The following CTNNA3 variants were observed in gnomAD, a reference collection of about 807,000 sequenced individuals.
The protein encoded by CTNNA3 is catenin alpha-3.
CTNNA3 carries 76 observed loss-of-function variants against 95.7 expected under a neutral mutation model. That is an observed-to-expected ratio of 0.79 (90% CI 0.66 to 0.96). The LOEUF (loss-of-function observed/expected upper bound fraction) is 0.96. Among genes scored for constraint, CTNNA3 ranks in the 40% least tolerant of loss-of-function variants. CTNNA3 has a pLI of 0.00. For synonymous variants in CTNNA3, 431 were observed against 374.4 expected (o/e 1.15, Z -1.74); for missense variants, 1,191 against 1,089.8 (o/e 1.09, Z -1.31).
chr10:67,294,006 G>T (rs920043607), intron 5 of CTNNA3, among the ~76,000 whole-genome samples: 1 of 152,042 alleles, frequency 6.6e-6, no homozygotes, highest in African/African-American at 2.4e-5. Flanking sequence ...AAGTGCTCTA[G>T]GTTCAATTGG....
At chr10:65,922,144 AC>A (rs2077097066) in intron 17 of CTNNA3, among the ~76,000 whole-genome samples, 6 of 152,094 alleles carry the variant, frequency 3.9e-5, no homozygotes, top group Admixed American at 3.9e-4. Context: ...CATTACATAA[AC>A]CTGCCTCCAA....
chr10:66,303,492 G>A (rs888763104), intron 12 of CTNNA3, among the ~76,000 whole-genome samples: 23 of 143,104 alleles, frequency 1.6e-4, no homozygotes, highest in East Asian at 9.8e-4. Flanking sequence ...ACATCATTAT[G>A]GGTAAAAAAA....
intron 15 of CTNNA3, among the ~76,000 whole-genome samples, chr10:66,059,777 T>C (rs778095622): frequency 9.9e-5 from 15 of 152,124 alleles, no homozygotes; most frequent in Admixed American, 2.0e-4. Context: ...AATTAGTACA[T>C]ATTTTTCAAG....
intron 6 of CTNNA3, among the ~76,000 whole-genome samples, chr10:67,198,246 G>A (rs1235052834): frequency 1.3e-5 from 2 of 152,120 alleles, no homozygotes; most frequent in Non-Finnish European, 2.9e-5. Context: ...TATCTAGGTG[G>A]TTGATGGTTG....
chr10:66,685,473 C>T (rs1322310219), intron 9 of CTNNA3, among the ~76,000 whole-genome samples: 5 of 141,786 alleles, frequency 3.5e-5, no homozygotes, highest in Admixed American at 2.9e-4. Context: ...CCCGGGTTCT[C>T]GCCATTCTCC....
In CTNNA3 at chr10:65,916,788, A is replaced by C. The variant is rs1489786772; in HGVS notation, c.*3542T>G. The C allele has an allele frequency of 6.6e-6, 1 of 152,102 alleles. No homozygotes were observed. Among genetic ancestry groups the C allele is most frequent in the Non-Finnish European group, 1.5e-5 (1 of 68,024 alleles). 9.4% of individuals were successfully genotyped at this position (152,102 alleles called of 1,614,324 possible). A position where few individuals can be genotyped will look rare whatever the true frequency, so the allele number is the denominator to read the frequency against. Reference sequence around the variant, plus strand: ...TCCTGATTGCACTATTTTGGTAGGAAATTGTTAGCAATTAACAGAGGATAC... The same window carrying C: ...TCCTGATTGCACTATTTTGGTAGGACATTGTTAGCAATTAACAGAGGATAC... On this transcript the variant is annotated 3_prime_UTR_variant, in exon 18 of 18. Transcript: ENST00000433211.
At chr10:67,691,283 GC>G (rs1463217764) in intron 1 of CTNNA3, among the ~76,000 whole-genome samples, 2 of 152,230 alleles carry the variant, frequency 1.3e-5, no homozygotes, top group African/African-American at 4.8e-5. Context: ...CTCCCAAAGT[GC>G]CGAGATTGCA....
intron 11 of CTNNA3, among the ~76,000 whole-genome samples, chr10:66,478,936 C>A (rs983834780): frequency 6.6e-6 from 1 of 151,780 alleles, no homozygotes; most frequent in African/African-American, 2.4e-5. Context: ...CCATTTTCCC[C>A]CTTATAGATA....
intron 13 of CTNNA3, among the ~76,000 whole-genome samples, chr10:66,192,974 G>T (rs1207604336): frequency 1.3e-5 from 2 of 152,082 alleles, no homozygotes; most frequent in African/African-American, 2.4e-5. Flanking sequence ...ATAGGATAAC[G>T]TCTGACATGT....
chr10:67,748,258 C>G (rs1841383892), intron 1 of CTNNA3, among the ~76,000 whole-genome samples: 1 of 152,084 alleles, frequency 6.6e-6, no homozygotes, highest in Admixed American at 6.5e-5. Context: ...CAGAGAACCC[C>G]AGCAAGATAC....
intron 7 of CTNNA3, among the ~76,000 whole-genome samples, chr10:66,979,306 T>A (rs1204551742): frequency 6.6e-6 from 1 of 152,146 alleles, no homozygotes; most frequent in East Asian, 1.9e-4. Context: ...AATTGGTTCA[T>A]CCTAAAGTGA....
chr10:67,039,799 C>A (rs1274933592), intron 7 of CTNNA3, among the ~76,000 whole-genome samples: 1 of 152,142 alleles, frequency 6.6e-6, no homozygotes, highest in Non-Finnish European at 1.5e-5. Context: ...GAAATCAGCA[C>A]TGCTTTGTTT....
chr10:67,118,443 G>A (rs149557551), intron 7 of CTNNA3, among the ~76,000 whole-genome samples: 125 of 151,982 alleles, frequency 8.2e-4, no homozygotes, highest in African/African-American at 2.9e-3. Context: ...CTGTTCTAAA[G>A]GATTTCATTG....
At chr10:65,940,984 G>A (rs1017016515) in intron 17 of CTNNA3, among the ~76,000 whole-genome samples, 6 of 152,048 alleles carry the variant, frequency 3.9e-5, no homozygotes, top group African/African-American at 1.2e-4. Context: ...ATTTAATCCT[G>A]AAAATAAACC....
At chr10:65,993,448 T>A (rs989736149) in intron 15 of CTNNA3, among the ~76,000 whole-genome samples, 3 of 152,234 alleles carry the variant, frequency 2.0e-5, no homozygotes, top group Admixed American at 6.5e-5. Context: ...TATGTATTTA[T>A]AATTTTTATA....
Position 67,388,285 on chromosome 10 carries a change from C to T in CTNNA3, c.579+133557G>A, listed in dbSNP as rs1204580945. On this transcript the variant is annotated intron_variant, in intron 5 of 17. Transcript: ENST00000433211. ...AATGCAGAAGCCTCAGGAGCCGATG[C>T]GATCAACTGGAAGAAAGGGTATCAG... 1.4e-4 allele frequency among the ~76,000 whole-genome samples: 19 copies of T among 133,282 alleles called. No individual in the cohort carries two copies. In the East Asian group the frequency reaches 2.3e-3, roughly 16 times the overall value. 87.4% of individuals were successfully genotyped at this position (133,282 alleles called of 152,430 possible).
chr10:67,497,862 ATCT>A (rs755220866), intron 5 of CTNNA3, among the ~76,000 whole-genome samples: 1 of 152,172 alleles, frequency 6.6e-6, no homozygotes, highest in South Asian at 2.1e-4. Context: ...GGTTGCAAAA[ATCT>A]TCTCCCATTC....
intron 11 of CTNNA3, among the ~76,000 whole-genome samples, chr10:66,449,855 A>G (rs116387507): frequency 0.011 from 1,600 of 152,258 alleles, 28 homozygotes; most frequent in African/African-American, 0.037. Context: ...CACATACTGG[A>G]TGGACAAATG....
chr10:67,647,656 G>C (rs1839758858), intron 1 of CTNNA3, 138 bp from the exon 2 acceptor site: 2 of 605,182 alleles, frequency 3.3e-6, no homozygotes, highest in Non-Finnish European at 5.7e-6. Context: ...AGAGGACCAG[G>C]CTACAAAATC....
Sources: allele counts gnomAD v4.1 joint callset (sites outside exome capture counted in the v4.1 genomes callset), GRCh38; gene constraint gnomAD v4.1.1; transcripts MANE v1.5; gene names NCBI Gene and HGNC (gene_info 2026-07-23, HGNC 2026-07-21).